Variants in FAT1 observed in about 807,000 individuals in gnomAD.
FAT1 encodes the protein FAT atypical cadherin 1.
In FAT1, 171 loss-of-function variants were observed where a neutral mutation model predicts 329.8. That is an observed-to-expected ratio of 0.52 (90% confidence interval 0.46 to 0.59). The LOEUF is 0.59. FAT1 is among the 20% of genes least tolerant of loss of function. The pLI, the probability that FAT1 is intolerant of heterozygous loss-of-function variation, is 0.00. For missense variants in FAT1, 5,672 were observed against 5,774.4 expected, an observed-to-expected ratio of 0.98 and a Z score of 0.57; for synonymous variants, 2,233 against 2,228.6, an observed-to-expected ratio of 1.00 and a Z score of -0.06.
intron 2 of FAT1, among the ~76,000 whole-genome samples, chr4:186,688,500 G>A (rs1743586082): frequency 6.6e-6 from 1 of 152,130 alleles, no homozygotes; most frequent in African/African-American, 2.4e-5. Context: ...GTTTTCTGCA[G>A]ACCAGGCTGT....
chr4:186,709,978 TG>T, intron 1 of FAT1, 133 bp from the exon 2 acceptor site: 2 of 785,130 alleles, frequency 2.5e-6, no homozygotes, highest in Non-Finnish European at 3.8e-6. Flanking sequence ...CGGTTTGGGA[TG>T]TTTTTCATGT....
chr4:186,647,555 T>C (rs1035677458), intron 3 of FAT1, among the ~76,000 whole-genome samples: 2 of 152,214 alleles, frequency 1.3e-5, no homozygotes, highest in Non-Finnish European at 2.9e-5. Context: ...AGGATTAGAA[T>C]GTTCTCTCCA....
At chr4:186,711,047 T>C (rs114275253) in intron 1 of FAT1, among the ~76,000 whole-genome samples, 12 of 152,358 alleles carry the variant, frequency 7.9e-5, no homozygotes, top group Non-Finnish European at 1.3e-4. Context: ...CACTGTCATC[T>C]TGCAAAGTGA....
At chr4:186,716,979 C>T (rs1447690014) in intron 1 of FAT1, among the ~76,000 whole-genome samples, 4 of 152,072 alleles carry the variant, frequency 2.6e-5, no homozygotes, top group Admixed American at 6.5e-5. Context: ...GACGGCCAGG[C>T]TAATCTCGAA....
rs1160836083 is a variant in FAT1, at chr4:186,621,237, CACGCTGTTAATTG to C, written c.5336_5348del (p.Ser1779TrpfsTer3). ...GTGGGACATTCCTGTCTGTTAGGAC[CACGCTGTTAATTG>C]AGGCTGATTCACTAATGAGTCCTGT... On this transcript the variant is annotated frameshift_variant, in exon 10 of 27. Transcript: ENST00000441802. LOFTEE classifies it high-confidence loss of function. 1 of 1,613,894 alleles carries C rather than the reference CACGCTGTTAATTG, an allele frequency of 6.2e-7. No individual in the cohort carries two copies. The highest frequency in any genetic ancestry group is 1.3e-5 in the African/African-American group (1 of 74,930).
rs552464718 is a variant in FAT1 at position 186,699,169 on chromosome 4, T to G, written c.3265+7394A>C. On this transcript the variant is annotated intron_variant, in intron 2 of 26. Coordinates refer to ENST00000441802, the MANE Select transcript of FAT1 (RefSeq NM_005245.4). ...ACTATAATTACATGCTGATGATGAT[T>G]AAGAAGAAAAAGCTTACCTGTGATA... 2.0e-5 allele frequency among the ~76,000 whole-genome samples: 3 copies of G among 152,258 alleles called. No homozygotes were observed. The East Asian group carries it at 5.8e-4, about 29-fold the overall frequency.
chr4:186,623,129 T>A (rs1740128577), intron 9 of FAT1, among the ~76,000 whole-genome samples: 1 of 152,262 alleles, frequency 6.6e-6, no homozygotes, highest in South Asian at 2.1e-4. Flanking sequence ...TTACTGGCTC[T>A]GCATCCGAGC....
chr4:186,651,139 TTA>T (rs1290333472), intron 3 of FAT1, among the ~76,000 whole-genome samples: 1 of 118,268 alleles, frequency 8.5e-6, no homozygotes, highest in African/African-American at 3.3e-5. Context: ...ATTACTAAAT[TTA>T]TTTATTAATA....
chr4:186,665,590 A>G (rs1315004734), intron 2 of FAT1, among the ~76,000 whole-genome samples: 1 of 152,160 alleles, frequency 6.6e-6, no homozygotes, highest in East Asian at 1.9e-4. Flanking sequence ...TCTGGATATT[A>G]GCCCTTGGTC....
At position 186,608,456 on chromosome 4, in the gene FAT1, G is replaced by A. The variant is rs186074174; in HGVS notation, c.10206+727C>T. Among the ~76,000 whole-genome samples, 692 of 152,156 alleles carry A rather than the reference G, an allele frequency of 4.5e-3. 3 individuals carry two copies. Among genetic ancestry groups the A allele is most frequent in the Middle Eastern group, 0.014 (4 of 294 alleles). On this transcript the variant is annotated intron_variant, in intron 16 of 26. Transcript: ENST00000441802. The stretch of plus-strand genomic sequence containing the variant: ...AGGCAGGGTCTCACTATGTTGCCCA[G>A]GCTGGTCTTCAACTCCTGGGCTCAG...
At chr4:186,636,259 T>C (rs2126561668) in intron 5 of FAT1, 24 bp from the exon 6 acceptor site, 1 of 1,604,656 alleles carries the variant, frequency 6.2e-7, no homozygotes, top group Non-Finnish European at 8.5e-7. Flanking sequence ...GCAGAGGGGA[T>C]TAAAAACAGC....
At chr4:186,677,425 C>T (rs1039900390) in intron 2 of FAT1, among the ~76,000 whole-genome samples, 20 of 151,768 alleles carry the variant, frequency 1.3e-4, no homozygotes, top group African/African-American at 4.1e-4. Flanking sequence ...TAAGAATCTT[C>T]GTTAAGGCAA....
At chr4:186,682,526 CAAAA>C (rs10561120) in intron 2 of FAT1, among the ~76,000 whole-genome samples, 1 of 119,702 alleles carries the variant, frequency 8.4e-6, no homozygotes, top group East Asian at 3.7e-4. Context: ...GACTCTGTCT[CAAAA>C]AAAAAAAAAA....
chr4:186,690,486 C>T (rs974142181), intron 2 of FAT1, among the ~76,000 whole-genome samples: 1 of 152,102 alleles, frequency 6.6e-6, no homozygotes, highest in Non-Finnish European at 1.5e-5. Flanking sequence ...ATCTGAGGTC[C>T]AGAGTTGGTG....
chr4:186,646,479 G>T (rs1271456992), intron 3 of FAT1, among the ~76,000 whole-genome samples: 1 of 152,090 alleles, frequency 6.6e-6, no homozygotes, highest in Admixed American at 6.5e-5. Flanking sequence ...GCCACATGTG[G>T]CCACTATGCA....
chr4:186,705,626 A>C (rs1310215819), intron 2 of FAT1, among the ~76,000 whole-genome samples: 1 of 152,232 alleles, frequency 6.6e-6, no homozygotes, highest in African/African-American at 2.4e-5. Flanking sequence ...GCTAGGTGCT[A>C]AACACAGAAG....
Position 186,617,873 on chromosome 4 carries a change from C to A in FAT1, c.8713G>T (p.Asp2905Tyr), listed in dbSNP as rs190079590. 6.2e-7 allele frequency: 1 copy of A among 1,613,976 alleles called. No individual in the cohort carries two copies. Among genetic ancestry groups the A allele is most frequent in the South Asian group, 1.1e-5 (1 of 91,070 alleles). The change falls in exon 10 of 27, where the codon GAT (aspartate) becomes TAT (tyrosine). Residue 2905 changes from aspartate (D) to tyrosine (Y), a missense_variant. Physicochemically the swap from Asp to Tyr is radical, Grantham distance 160. Coordinates refer to ENST00000441802, the MANE Select transcript of FAT1 (RefSeq NM_005245.4). ...TCGTTGACATCGGTGACGGTAACATCCACAATGGCTGTGGAGGATAGCTGG... is the reference window on the plus strand; with the variant it reads ...TCGTTGACATCGGTGACGGTAACATACACAATGGCTGTGGAGGATAGCTGG... ...KIQLSSTAIV[D>Y]VTVTDVNDSP...
At chr4:186,678,412 G>A (rs1044498516) in intron 2 of FAT1, among the ~76,000 whole-genome samples, 3 of 149,936 alleles carry the variant, frequency 2.0e-5, no homozygotes, top group African/African-American at 4.9e-5. Flanking sequence ...AGGCCAGCCT[G>A]GCCTACTGTA....
chr4:186,613,593 T>C (rs1266325161), intron 12 of FAT1, among the ~76,000 whole-genome samples: 2 of 152,152 alleles, frequency 1.3e-5, no homozygotes, highest in Non-Finnish European at 1.5e-5. Context: ...GTGTATAAGA[T>C]TGCACAGGTG....
Sources: allele counts gnomAD v4.1 joint callset (sites outside exome capture counted in the v4.1 genomes callset), GRCh38; gene constraint gnomAD v4.1.1; transcripts MANE v1.5; gene names NCBI Gene and HGNC (gene_info 2026-07-23, HGNC 2026-07-21).